The following MAD1L1 variants were observed in gnomAD, a reference collection of about 807,000 sequenced individuals.
The protein encoded by MAD1L1 is mitotic spindle assembly checkpoint protein MAD1.
MAD1L1 carries 95 observed loss-of-function variants against 96.9 expected under a neutral mutation model. That is an observed-to-expected ratio of 0.98 (90% CI 0.83 to 1.16). The LOEUF (loss-of-function observed/expected upper bound fraction) is 1.16, where lower values mean the gene tolerates loss of function less well. Among genes scored for constraint, MAD1L1 ranks in the 50% most tolerant of loss-of-function variants. The pLI, the probability that MAD1L1 is intolerant of heterozygous loss-of-function variation, is 0.00. For synonymous variants in MAD1L1, 473 were observed against 396.6 expected, an observed-to-expected ratio of 1.19 and a Z score of -2.29; for missense variants, 1,007 against 954.4, an observed-to-expected ratio of 1.06 and a Z score of -0.73.
In MAD1L1 at chr7:1,975,244, T is replaced by C. The variant is rs117192362; in HGVS notation, c.1505+5209A>G. On this transcript the variant is annotated intron_variant, in intron 15 of 18. Transcript: ENST00000265854. ...CTGGGCTCCTGATCCCCAGATGGGC[T>C]GGGCAGTCCATCACCAGGCCCCCTC... Among the ~76,000 whole-genome samples, 236 of 152,356 alleles carry C rather than the reference T, an allele frequency of 1.5e-3. 2 individuals are homozygous for C. In the East Asian group the frequency reaches 0.032, roughly 21 times the overall value.
At chr7:2,007,524 A>T (rs562051409) in intron 13 of MAD1L1, among the ~76,000 whole-genome samples, 1 of 152,184 alleles carries the variant, frequency 6.6e-6, no homozygotes, top group African/African-American at 2.4e-5. Context: ...AAATACAAAA[A>T]TTAGCTGGGT....
intron 5 of MAD1L1, 122 bp from the exon 6 acceptor site, chr7:2,219,578 AGGCAGAGG>A (rs1182773719): frequency 1.4e-5 from 13 of 898,792 alleles, no homozygotes; most frequent in Admixed American, 2.8e-5. Flanking sequence ...TCAGGGCAGG[AGGCAGAGG>A]GGCAGAGGAA....
chr7:2,188,486 G>A (rs79427261), intron 10 of MAD1L1, among the ~76,000 whole-genome samples: 6,968 of 152,200 alleles, frequency 0.046, 554 homozygotes, highest in African/African-American at 0.16. Flanking sequence ...CTGACAGAAT[G>A]ACAGGCATAT....
chr7:2,202,526 G>C (rs1358157330), intron 10 of MAD1L1, among the ~76,000 whole-genome samples: 1 of 152,230 alleles, frequency 6.6e-6, no homozygotes, highest in African/African-American at 2.4e-5. Flanking sequence ...CAAACGAAAA[G>C]GGGAAACGTG....
At chr7:2,055,282 G>A (rs1784341303) in intron 12 of MAD1L1, among the ~76,000 whole-genome samples, 1 of 152,186 alleles carries the variant, frequency 6.6e-6, no homozygotes, top group African/African-American at 2.4e-5. Context: ...GTCTTCAGAG[G>A]GAGCTGGGGG....
At chr7:2,228,950 A>G (rs532359325) in intron 3 of MAD1L1, among the ~76,000 whole-genome samples, 14 of 151,530 alleles carry the variant, frequency 9.2e-5, no homozygotes, top group East Asian at 5.9e-4. Flanking sequence ...AGCCAGGATG[A>G]TCTTGATCTC....
At chr7:2,096,824 G>T (rs1339429799) in intron 11 of MAD1L1, among the ~76,000 whole-genome samples, 1 of 152,120 alleles carries the variant, frequency 6.6e-6, no homozygotes, top group Admixed American at 6.5e-5. Context: ...TGGGGGCACA[G>T]ACCCATGGTA....
intron 10 of MAD1L1, among the ~76,000 whole-genome samples, chr7:2,161,329 G>A (rs191054310): frequency 6.6e-6 from 1 of 151,952 alleles, no homozygotes; most frequent in Admixed American, 6.6e-5. Context: ...GCTGGTCTCA[G>A]CTCCTGACCG....
At chr7:1,997,825 G>A (rs1216482255) in intron 14 of MAD1L1, among the ~76,000 whole-genome samples, 1 of 152,220 alleles carries the variant, frequency 6.6e-6, no homozygotes, top group Non-Finnish European at 1.5e-5. Context: ...GACCTCCTCT[G>A]AAGGGCTTTG....
chr7:1,943,785 C>T (rs1371066480), intron 16 of MAD1L1, among the ~76,000 whole-genome samples: 1 of 151,878 alleles, frequency 6.6e-6, no homozygotes, highest in Non-Finnish European at 1.5e-5. Context: ...CGTGAATGTT[C>T]AGGGCAGCTG....
At chr7:1,832,470 A>G (rs1032810730) in intron 18 of MAD1L1, among the ~76,000 whole-genome samples, 2 of 147,130 alleles carry the variant, frequency 1.4e-5, no homozygotes, top group Non-Finnish European at 3.0e-5. Context: ...AACTTAGTTG[A>G]TAAAGCAGTT....
At chr7:1,876,567 G>GA (rs1785396581) in intron 18 of MAD1L1, among the ~76,000 whole-genome samples, 1 of 152,112 alleles carries the variant, frequency 6.6e-6, no homozygotes, top group African/African-American at 2.4e-5. Flanking sequence ...CAGGAAGGGG[G>GA]AAGAGGGTGG....
In MAD1L1 at chr7:1,898,572, G is replaced by A. The variant is rs79018352; in HGVS notation, c.1808-182C>T. Among the ~76,000 whole-genome samples, 33 of 152,326 alleles carry A rather than the reference G, an allele frequency of 2.2e-4. No individual in the cohort carries two copies. The East Asian group carries it at 6.2e-3, about 29-fold the overall frequency. ...GGCATGCATGAGGGAACGGGAGTGAGGGGTGAGCTGATAACGGCTGACCCT... is the reference window on the plus strand; with the variant it reads ...GGCATGCATGAGGGAACGGGAGTGAAGGGTGAGCTGATAACGGCTGACCCT... On this transcript the variant is annotated intron_variant, in intron 17 of 18. Transcript: ENST00000265854.
At chr7:1,942,016 C>T (rs1438030096) in intron 16 of MAD1L1, among the ~76,000 whole-genome samples, 1 of 152,186 alleles carries the variant, frequency 6.6e-6, no homozygotes, top group African/African-American at 2.4e-5. Flanking sequence ...ACCACCCACC[C>T]GCTCACGTCC....
chr7:1,890,632 G>A (rs1190647240), intron 18 of MAD1L1, among the ~76,000 whole-genome samples: 9 of 152,210 alleles, frequency 5.9e-5, no homozygotes, highest in Non-Finnish European at 1.5e-5. Context: ...AGCCCATCCT[G>A]CCAGTTTCCA....
In MAD1L1 at chr7:2,084,724, G is replaced by A. The variant is rs144610239; in HGVS notation, c.1074-15386C>T. Among the ~76,000 whole-genome samples the A allele has an allele frequency of 7.2e-5, 11 of 152,254 alleles. No individual in the cohort carries two copies. In the East Asian group the frequency reaches 1.7e-3, roughly 24 times the overall value. ...CGCACCTCTGGACATCTCCTGGAAC[G>A]TCCTGATGTCCGGCCCCAGATAACC... On this transcript the variant is annotated intron_variant, in intron 11 of 18. Transcript: ENST00000265854.
At chr7:2,156,183 CGTGTG>C (rs1562737599) in intron 10 of MAD1L1, among the ~76,000 whole-genome samples, 7 of 119,196 alleles carry the variant, frequency 5.9e-5, no homozygotes, top group South Asian at 2.7e-4. Context: ...TTTCACGGCG[CGTGTG>C]GCGAGGGGAG....
chr7:1,953,581 G>A (rs1171900917), intron 16 of MAD1L1, among the ~76,000 whole-genome samples: 7 of 152,260 alleles, frequency 4.6e-5, no homozygotes, highest in African/African-American at 1.4e-4. Context: ...TTTAGAGGAA[G>A]CGTGCAGATG....
intron 18 of MAD1L1, among the ~76,000 whole-genome samples, chr7:1,837,128 T>C (rs1054825670): frequency 3.3e-5 from 5 of 152,158 alleles, no homozygotes; most frequent in Non-Finnish European, 4.4e-5. Flanking sequence ...TAAGGAAACA[T>C]AGAACCCCAT....
Sources: gnomAD v4.1 joint callset for allele counts (sites outside exome capture counted in the v4.1 genomes callset) on GRCh38, gnomAD v4.1.1 for gene constraint, MANE v1.5 for transcripts, NCBI Gene and HGNC (gene_info 2026-07-23, HGNC 2026-07-21) for gene names.